The following WDR90 variants were observed in gnomAD, a reference collection of about 807,000 sequenced individuals.
WDR90 encodes WD repeat-containing protein 90.
Under a neutral mutation model 195.2 loss-of-function variants are expected in WDR90, and 238 were observed. The ratio of observed to expected loss-of-function variants is 1.22; its 90% CI spans 1.10 to 1.36. The LOEUF is 1.36. Among genes scored for constraint, WDR90 ranks in the 40% most tolerant of loss-of-function variants. The pLI, the probability that WDR90 is intolerant of heterozygous loss-of-function variation, is 0.00. For synonymous variants in WDR90, 1,265 were observed against 1,052.4 expected (o/e 1.20, Z -3.91); for missense variants, 2,734 against 2,439.5 (o/e 1.12, Z -2.54).
chr16:658,578 C>T lies in WDR90; in HGVS notation c.2820C>T (p.Ala940=), dbSNP rs375438805. Residue 940 remains alanine, a synonymous_variant, in exon 23 of 41, where the codon GCC becomes GCT. Coordinates refer to ENST00000293879, the MANE Select transcript of WDR90 (RefSeq NM_145294.5). ...CCTCCTTGACGCTCAGTGAGGACGC[C>T]CGCTTCCTGCTGATTGCCGCCGGCC... ...PCPSLTLSED[A]RFLLIAAGRT... The T allele has an allele frequency of 4.3e-6, 7 of 1,612,652 alleles. No homozygotes were observed. In the African/African-American group the frequency reaches 9.3e-5, roughly 22 times the overall value.
rs541627671 is a variant in WDR90, at chr16:663,467, G to A, written c.4311+623G>A. The A allele has an allele frequency of 3.9e-5, 9 of 230,496 alleles. No homozygotes were observed. The East Asian group carries it at 6.7e-4, about 17-fold the overall frequency. The allele number at this position is 230,496 out of a possible 1,614,324, so 14.3% of individuals were successfully genotyped here. A position where few individuals can be genotyped will look rare whatever the true frequency, so the allele number is the denominator to read the frequency against. ...AAAAAAAGATGAAAAACCCCACATC[G>A]TCTGTCCCTGCACCTCCCATAGACT... On this transcript the variant is annotated intron_variant, in intron 34 of 40. Transcript: ENST00000293879.
At position 656,297 on chromosome 16, in the gene WDR90, C is replaced by G. The variant is rs781776829; in HGVS notation, c.1967-5C>G. The G allele has an allele frequency of 2.5e-6, 4 of 1,603,090 alleles. No homozygotes were observed. The highest frequency in any genetic ancestry group is 3.4e-6 in the Non-Finnish European group (4 of 1,175,746). On this transcript the variant is annotated splice_region_variant and splice_polypyrimidine_tract_variant and intron_variant, in intron 17 of 40. Transcript: ENST00000293879. ...TGGAGGCCCCTGACCCCACCCCACC[C>G]ACAGAGCACGAGGGCCCCGTCAGCT... is the stretch of plus-strand genomic sequence containing the variant.
Position 650,166 on chromosome 16 carries a change from A to C in WDR90, c.278A>C (p.Lys93Thr). ...GTCATCCACCTCGATGTGTCCTCCA[A>C]GGTACGGAGCCCGCGGCTGGGGGCT... is the stretch of plus-strand genomic sequence containing the variant. The part of the protein sequence containing the change: ...HFVIHLDVSS[K>T]DNQVIRVSFS... Residue 93 changes from lysine to threonine, a missense_variant and splice_region_variant, in exon 3 of 41, where the codon AAG (lysine) becomes ACG (threonine). By Grantham distance (78) the Lys-to-Thr change is moderately conservative (BLOSUM62 -1). Transcript: ENST00000293879. 1 of 1,612,616 alleles carries C rather than the reference A, an allele frequency of 6.2e-7. No individual in the cohort carries two copies. Among genetic ancestry groups the C allele is most frequent in the South Asian group, 1.1e-5 (1 of 91,068 alleles).
At chr16:651,137 G>C in intron 6 of WDR90, 34 bp downstream of exon 6, 4 of 1,613,152 alleles carry the variant, frequency 2.5e-6, no homozygotes, top group Non-Finnish European at 3.4e-6. Context: ...GGGAGGCCTC[G>C]GTGGTGGGAG....
chr16:650,488 G>T (rs1443472017), intron 4 of WDR90, 51 bp from the exon 5 acceptor site: 1 of 1,586,916 alleles, frequency 6.3e-7, no homozygotes, highest in Non-Finnish European at 8.6e-7. Flanking sequence ...AGTTCTGGGA[G>T]TCGCGGGCTG....
intron 31 of WDR90, 39 bp from the exon 32 acceptor site, chr16:661,852 G>C: frequency 6.3e-7 from 1 of 1,593,644 alleles, no homozygotes; most frequent in East Asian, 2.2e-5. Context: ...CTGGGCCCCG[G>C]GACACTGCTG....
In WDR90 at chr16:666,269, C is replaced by T. The variant is rs1009241349; in HGVS notation, c.4659C>T (p.His1553=). Residue 1553 remains histidine (H), a synonymous_variant, in exon 37 of 41, where the codon CAC becomes CAT. Coordinates refer to ENST00000293879, the MANE Select transcript of WDR90 (RefSeq NM_145294.5). ...AGGATGGGCTCGTGGCTGTGAGCCA[C>T]CCCTGCACAGGGACAACCTTCCGTG... ...GDKDGLVAVS[H]PCTGTTFRVL... 2 of 1,612,726 alleles carry T rather than the reference C, an allele frequency of 1.2e-6. No homozygotes were observed. Among genetic ancestry groups the T allele is most frequent in the African/African-American group, 1.3e-5 (1 of 75,044 alleles).
rs1324234039 is a variant in WDR90 at position 658,982 on chromosome 16, C to G, written c.2982C>G (p.Phe994Leu). Reference sequence around the variant, plus strand: ...TCCTCAGCGCAGGGGACGCCGTCTTCCTCTGGGATGTCCTGGCCCCTACTG... The same window carrying G: ...TCCTCAGCGCAGGGGACGCCGTCTTGCTCTGGGATGTCCTGGCCCCTACTG... ...QQVLSAGDAVFLWDVLAPTES... is the reference protein window; with the variant it reads ...QQVLSAGDAVLLWDVLAPTES... Residue 994 changes from phenylalanine (F) to leucine (L), a missense_variant, in exon 24 of 41, where the codon TTC becomes TTG. By Grantham distance (22) the Phe-to-Leu change is conservative. Transcript: ENST00000293879. 6.2e-7 allele frequency: 1 copy of G among 1,613,044 alleles called. No individual in the cohort carries two copies.
At chr16:659,781 C>T (rs970203506) in intron 26 of WDR90, among the ~76,000 whole-genome samples, 2 of 152,204 alleles carry the variant, frequency 1.3e-5, no homozygotes, top group East Asian at 1.9e-4. Flanking sequence ...CCTGCCTCCC[C>T]GTTCCCCCGG....
In WDR90 at chr16:667,478, CTT is replaced by C; in HGVS notation, c.5138_5139del (p.Phe1713CysfsTer77). The C allele has an allele frequency of 2.5e-6, 4 of 1,610,370 alleles. No homozygotes were observed. Among genetic ancestry groups the C allele is most frequent in the East Asian group, 2.2e-5 (1 of 44,800 alleles). ...ACTGTGCCATGGGGACTGCCCAAGA[CTT>C]TGCCGGCCACGACAACGCAGTGCAC... is the stretch of plus-strand genomic sequence containing the variant. Reference protein sequence around the residue: ...VDCAMGTAQDFAGHDNAVHLC... With the variant: ...VDCAMGTAQDXAGHDNAVHLC... On this transcript the variant is annotated frameshift_variant, in exon 41 of 41. Coordinates refer to ENST00000293879, the MANE Select transcript of WDR90 (RefSeq NM_145294.5). LOFTEE classifies it high-confidence loss of function.
chr16:651,837 C>T lies in WDR90; in HGVS notation c.851C>T (p.Ala284Val). The change falls in exon 9 of 41, where the codon GCC becomes GTC. Residue 284 changes from alanine (A) to valine (V), a missense_variant. Ala to Val is a moderately conservative substitution (Grantham distance 64). Coordinates refer to ENST00000293879, the MANE Select transcript of WDR90 (RefSeq NM_145294.5). ...QTPSPTASGR[A>V]ALAPRPFPEV... ...CTTGTCCCCCAGCAGTCCGGCCGGGCCGCCTTGGCACCCAGGCCCTTCCCG... is the reference window on the plus strand; with the variant it reads ...CTTGTCCCCCAGCAGTCCGGCCGGGTCGCCTTGGCACCCAGGCCCTTCCCG... 1 of 1,610,178 alleles carries T rather than the reference C, an allele frequency of 6.2e-7. No individual in the cohort carries two copies. Among genetic ancestry groups the T allele is most frequent in the Non-Finnish European group, 8.5e-7 (1 of 1,179,674 alleles).
Position 666,143 on chromosome 16 carries a change from T to G in WDR90, c.4609+19T>G, listed in dbSNP as rs2151392341. On this transcript the variant is annotated intron_variant, in intron 36 of 40. Coordinates refer to ENST00000293879, the MANE Select transcript of WDR90 (RefSeq NM_145294.5). Reference sequence around the variant, plus strand: ...ACCGATGGTGAGGAGTTGGGTGTGTTGGGGATGGTGCCGTCCTGACCTGGC... The same window carrying G: ...ACCGATGGTGAGGAGTTGGGTGTGTGGGGGATGGTGCCGTCCTGACCTGGC... The G allele has an allele frequency of 8.7e-6, 14 of 1,607,580 alleles. No individual in the cohort carries two copies. Among genetic ancestry groups the G allele is most frequent in the Non-Finnish European group, 1.2e-5 (14 of 1,176,126 alleles).
chr16:665,348 A>T lies in WDR90; in HGVS notation c.4312-331A>T, dbSNP rs148116613. The T allele has an allele frequency of 1.3e-5, 7 of 530,990 alleles. No homozygotes were observed. The South Asian group carries it at 1.8e-4, about 13-fold the overall frequency. 32.9% of individuals were successfully genotyped at this position (530,990 alleles called of 1,614,324 possible). A position where few individuals can be genotyped will look rare whatever the true frequency, so the allele number is the denominator to read the frequency against. ...TGCAGCCTGCTAGGGACGCACGGCCACACTCCTGTCTTTCAGCCTCAGTCT... is the reference window on the plus strand; with the variant it reads ...TGCAGCCTGCTAGGGACGCACGGCCTCACTCCTGTCTTTCAGCCTCAGTCT... On this transcript the variant is annotated intron_variant, in intron 34 of 40. Transcript: ENST00000293879.
intron 1 of WDR90, 107 bp from the exon 2 acceptor site, chr16:649,656 C>T: frequency 8.2e-7 from 1 of 1,213,862 alleles, no homozygotes; most frequent in Non-Finnish European, 1.1e-6. Flanking sequence ...CCGGGGAAGG[C>T]GCGGAGAGCC....
chr16:659,159 C>G, intron 25 of WDR90, 33 bp downstream of exon 25: 1 of 1,610,176 alleles, frequency 6.2e-7, no homozygotes, highest in Non-Finnish European at 8.5e-7. Context: ...GGTGCAGGTG[C>G]TGCGCTGACT....
chr16:663,348 G>A, intron 34 of WDR90: 2 of 298,916 alleles, frequency 6.7e-6, no homozygotes, highest in South Asian at 2.8e-5. Context: ...TGAGACAAGA[G>A]AATCGCTTGA....
chr16:658,958 C>T lies in WDR90; in HGVS notation c.2958C>T (p.Val986=), dbSNP rs1475629576. The change falls in exon 24 of 41, where the codon GTC becomes GTT. Residue 986 remains valine, a synonymous_variant. Coordinates refer to ENST00000293879, the MANE Select transcript of WDR90 (RefSeq NM_145294.5). ...CCTTCTCTCCTGACCAGCAGCAGGT[C>T]CTCAGCGCAGGGGACGCCGTCTTCC... ...AVAFSPDQQQ[V]LSAGDAVFLW... 7 of 1,612,978 alleles carry T rather than the reference C, an allele frequency of 4.3e-6. No homozygotes were observed. Among genetic ancestry groups the T allele is most frequent in the Middle Eastern group, 1.6e-4 (1 of 6,062 alleles).
At chr16:663,550 C>G (rs760133413) in intron 34 of WDR90, 1 of 179,214 alleles carries the variant, frequency 5.6e-6, no homozygotes, top group Non-Finnish European at 1.2e-5. Flanking sequence ...GTCAGGAGGC[C>G]CAGGTAGCTA....
Position 650,711 on chromosome 16 carries a change from T to G in WDR90, c.559+2T>G, listed in dbSNP as rs372121522. ...CCAGTGACCTGTGCTTTGAGCCTGGTGAGGGCCGCACCTGCACTCCCCACT... is the reference window on the plus strand; with the variant it reads ...CCAGTGACCTGTGCTTTGAGCCTGGGGAGGGCCGCACCTGCACTCCCCACT... On this transcript the variant is annotated splice_donor_variant, in intron 5 of 40. Transcript: ENST00000293879. LOFTEE classifies it high-confidence loss of function. The G allele has an allele frequency of 1.2e-6, 2 of 1,605,000 alleles. No homozygotes were observed. Among genetic ancestry groups the G allele is most frequent in the Non-Finnish European group, 8.5e-7 (1 of 1,173,584 alleles).
Sources: gnomAD v4.1 joint callset for allele counts (sites outside exome capture counted in the v4.1 genomes callset) on GRCh38, gnomAD v4.1.1 for gene constraint, MANE v1.5 for transcripts, NCBI Gene and HGNC (gene_info 2026-07-23, HGNC 2026-07-21) for gene names.